CPS1: variants seen among roughly 807,000 people sequenced by gnomAD.
CPS1 encodes the protein carbamoyl-phosphate synthase [ammonia], mitochondrial.
In CPS1, 109 loss-of-function variants were observed where a neutral mutation model predicts 174.6. The observed-to-expected ratio is 0.62, with a 90% CI of 0.53 to 0.73. The LOEUF (loss-of-function observed/expected upper bound fraction) is 0.73, where lower values mean the gene tolerates loss of function less well. CPS1 is among the 30% of genes least tolerant of loss of function. The pLI is 0.00. For synonymous variants in CPS1, 637 were observed against 632.0 expected (o/e 1.01, Z -0.12); for missense variants, 1,689 against 1,821.9 (o/e 0.93, Z 1.33).
intron 1 of CPS1, among the ~76,000 whole-genome samples, chr2:210,493,643 G>A (rs557681714): frequency 1.1e-4 from 17 of 152,262 alleles, no homozygotes; most frequent in South Asian, 4.1e-4. Flanking sequence ...ATTTTTGGCC[G>A]TTACTGACGC....
chr2:210,554,642 TA>T (rs545114517), upstream of CPS1, among the ~76,000 whole-genome samples: 56 of 151,986 alleles, frequency 3.7e-4, no homozygotes, highest in South Asian at 0.011. Flanking sequence ...TTTTGCATCC[TA>T]AAAAGTTTCC....
At chr2:210,670,575 G>A (rs1443062541) in intron 34 of CPS1, among the ~76,000 whole-genome samples, 1 of 151,992 alleles carries the variant, frequency 6.6e-6, no homozygotes, top group African/African-American at 2.4e-5. Context: ...TTGGTCAGAA[G>A]AACTCATATA....
chr2:210,658,018 GC>G (rs1243496541), intron 30 of CPS1, among the ~76,000 whole-genome samples: 1 of 152,190 alleles, frequency 6.6e-6, no homozygotes, highest in Non-Finnish European at 1.5e-5. Context: ...TGTAATCAAT[GC>G]CCCCTCTTGG....
chr2:210,495,825 C>T lies in CPS1; in HGVS notation c.3+18059C>T, dbSNP rs372473925. Among the ~76,000 whole-genome samples, 7 of 152,154 alleles carry T rather than the reference C, an allele frequency of 4.6e-5. No homozygotes were observed. In the South Asian group the frequency reaches 6.2e-4, roughly 14 times the overall value. ...CTTATTTGTCACCGAGCATAGAATT[C>T]ACTACCTGCTTGAGGTATATGTGAC... On this transcript the variant is annotated intron_variant, in intron 1 of 38. Transcript: ENST00000430249.
intron 5 of CPS1, 115 bp from the exon 6 acceptor site, chr2:210,582,502 G>T: frequency 1.3e-6 from 1 of 780,438 alleles, no homozygotes; most frequent in South Asian, 1.4e-5. Context: ...ATGGTTACGA[G>T]TAGTTATAAA....
At chr2:210,560,681 G>A (rs956672044) in intron 1 of CPS1, among the ~76,000 whole-genome samples, 12 of 151,960 alleles carry the variant, frequency 7.9e-5, no homozygotes, top group Non-Finnish European at 1.5e-5. Context: ...ATTTAGTTCC[G>A]TCTTGAGGAG....
chr2:210,609,370 G>C (rs901292249), intron 19 of CPS1, among the ~76,000 whole-genome samples: 6 of 151,894 alleles, frequency 4.0e-5, no homozygotes, highest in African/African-American at 1.4e-4. Flanking sequence ...CTTGGAACCA[G>C]CTGGACTTGG....
intron 15 of CPS1, among the ~76,000 whole-genome samples, chr2:210,601,398 A>C (rs989863141): frequency 6.6e-6 from 1 of 151,972 alleles, no homozygotes; most frequent in Non-Finnish European, 1.5e-5. Context: ...ACCCTTAGGA[A>C]TAAAGCAGGT....
intron 1 of CPS1, among the ~76,000 whole-genome samples, chr2:210,548,413 G>A (rs1696619920): frequency 1.3e-5 from 2 of 151,990 alleles, no homozygotes; most frequent in South Asian, 4.1e-4. Flanking sequence ...CCTAATGCAA[G>A]ATAAATTAGC....
intron 5 of CPS1, among the ~76,000 whole-genome samples, chr2:210,581,569 A>C (rs922838645): frequency 6.6e-6 from 1 of 152,174 alleles, no homozygotes; most frequent in Non-Finnish European, 1.5e-5. Flanking sequence ...GGGATCCATA[A>C]ATATAGACAA....
intron 1 of CPS1, among the ~76,000 whole-genome samples, chr2:210,557,786 G>A (rs939528239): frequency 6.6e-6 from 1 of 151,986 alleles, no homozygotes; most frequent in Non-Finnish European, 1.5e-5. Flanking sequence ...TGTGAAAATG[G>A]GAACTCACAG....
At chr2:210,509,472 T>A (rs986797125) in intron 1 of CPS1, among the ~76,000 whole-genome samples, 2 of 152,132 alleles carry the variant, frequency 1.3e-5, no homozygotes, top group Admixed American at 6.6e-5. Context: ...AACTGGCACA[T>A]GATAGGGATG....
rs186654080 is a variant in CPS1, at chr2:210,601,005, C to A, written c.1707+293C>A. ...TCCTGAACTGAAACTAAGAACCATACCAACTTGCAATAACAAAGCAATTTT... is the reference window on the plus strand; with the variant it reads ...TCCTGAACTGAAACTAAGAACCATAACAACTTGCAATAACAAAGCAATTTT... On this transcript the variant is annotated intron_variant, in intron 15 of 37. Coordinates refer to ENST00000233072, the MANE Select transcript of CPS1 (RefSeq NM_001875.5). Among the ~76,000 whole-genome samples the A allele has an allele frequency of 2.2e-3, 333 of 152,006 alleles. 3 individuals are homozygous for A. Among genetic ancestry groups the A allele is most frequent in the Non-Finnish European group, 2.2e-3 (149 of 67,910 alleles).
intron 7 of CPS1, among the ~76,000 whole-genome samples, chr2:210,588,502 T>G (rs895003356): frequency 1.3e-5 from 2 of 152,092 alleles, no homozygotes; most frequent in African/African-American, 4.8e-5. Flanking sequence ...TCCTTTGGGC[T>G]TACATTTATT....
chr2:210,586,890 C>T (rs1365330138), intron 6 of CPS1, among the ~76,000 whole-genome samples: 1 of 151,904 alleles, frequency 6.6e-6, no homozygotes, highest in Non-Finnish European at 1.5e-5. Flanking sequence ...TTGATAACTT[C>T]ATTCATTATC....
In CPS1 at chr2:210,565,269, G is replaced by A. The variant is rs1030978605; in HGVS notation, c.127-8029G>A. ...AGGAAACATTTAGTATTACTAGGCC[G>A]TAGAGACTAGTAATTTAATCTTTAA... On this transcript the variant is annotated intron_variant, in intron 1 of 37. Coordinates refer to ENST00000233072, the MANE Select transcript of CPS1 (RefSeq NM_001875.5). Among the ~76,000 whole-genome samples, 6 of 152,000 alleles carry A rather than the reference G, an allele frequency of 3.9e-5. No homozygotes were observed. In the East Asian group the frequency reaches 5.8e-4, roughly 15 times the overall value.
intron 1 of CPS1, among the ~76,000 whole-genome samples, chr2:210,480,232 C>A (rs1694522912): frequency 6.6e-6 from 1 of 152,124 alleles, no homozygotes; most frequent in African/African-American, 2.4e-5. Context: ...CAGGCACACC[C>A]AGAGAAGTGC....
chr2:210,541,315 C>G (rs1203270036), intron 1 of CPS1, among the ~76,000 whole-genome samples: 1 of 152,140 alleles, frequency 6.6e-6, no homozygotes, highest in African/African-American at 2.4e-5. Flanking sequence ...CCTCCCAGAA[C>G]AAATTGTTGG....
At chr2:210,565,325 C>A (rs1450283077) in intron 1 of CPS1, among the ~76,000 whole-genome samples, 1 of 152,060 alleles carries the variant, frequency 6.6e-6, no homozygotes, top group Non-Finnish European at 1.5e-5. Context: ...AACAAGAGAA[C>A]ACAATTTTTC....
Sources: allele counts gnomAD v4.1 joint callset (sites outside exome capture counted in the v4.1 genomes callset), GRCh38; gene constraint gnomAD v4.1.1; transcripts MANE v1.5; gene names NCBI Gene and HGNC (gene_info 2026-07-23, HGNC 2026-07-21).